Variants in ATP7B observed in about 807,000 individuals in gnomAD.
ATP7B encodes copper-transporting ATPase 2.
In ATP7B, 113 loss-of-function variants were observed where a neutral mutation model predicts 118.9. The observed-to-expected ratio is 0.95, with a 90% confidence interval of 0.82 to 1.11. The LOEUF is 1.11. Among genes scored for constraint, ATP7B ranks in the 50% most tolerant of loss-of-function variants. ATP7B has a pLI of 0.00. For synonymous variants in ATP7B, 777 were observed against 727.4 expected (o/e 1.07, Z -1.10); for missense variants, 1,867 against 1,871.4 (o/e 1.00, Z 0.04).
chr13:52,009,603 T>C (rs1013376613), intron 1 of ATP7B, among the ~76,000 whole-genome samples: 5 of 152,228 alleles, frequency 3.3e-5, no homozygotes, highest in African/African-American at 1.2e-4. Flanking sequence ...GGCACGTTAG[T>C]AAATGTGTAT....
intron 15 of ATP7B, 41 bp downstream of exon 15, chr13:51,942,345 C>T: frequency 6.2e-7 from 1 of 1,612,008 alleles, no homozygotes; most frequent in Non-Finnish European, 8.5e-7. Flanking sequence ...TTTGACCCAC[C>T]TCTACTTTTA....
intron 1 of ATP7B, among the ~76,000 whole-genome samples, chr13:51,983,746 T>TG (rs1952528742): frequency 6.6e-6 from 1 of 152,224 alleles, no homozygotes; most frequent in Non-Finnish European, 1.5e-5. Flanking sequence ...CTGTAGCCTC[T>TG]GCTGGTGATA....
chr13:51,952,476 C>T (rs7321445), intron 9 of ATP7B, among the ~76,000 whole-genome samples: 81,349 of 152,012 alleles, frequency 0.54, 21,994 homozygotes, highest in Middle Eastern at 0.62. Context: ...GAGAAATAGA[C>T]ATTTACTGAG....
At chr13:52,000,024 C>T (rs907984914) in intron 1 of ATP7B, among the ~76,000 whole-genome samples, 1 of 152,144 alleles carries the variant, frequency 6.6e-6, no homozygotes, top group East Asian at 1.9e-4. Context: ...TACTCAGAGT[C>T]TTTCACCAGA....
intron 14 of ATP7B, among the ~76,000 whole-genome samples, chr13:51,943,797 G>A (rs1957480843): frequency 6.6e-6 from 1 of 152,034 alleles, no homozygotes; most frequent in Admixed American, 6.5e-5. Flanking sequence ...TGAGTTTCCA[G>A]ACTGCCCGTA....
At position 51,950,363 on chromosome 13, in the gene ATP7B, G is replaced by A. The variant is rs570594838; in HGVS notation, c.2484C>T (p.Gly828=). Residue 828 remains glycine (G), a synonymous_variant, in exon 10 of 21, where the codon GGC becomes GGT. Transcript: ENST00000242839. The part of the protein sequence containing the change: ...EQVPMELVQR[G]DIVKVVPGGK... The stretch of plus-strand genomic sequence containing the variant: ...CCCCAGGGACCACCTTGACGATATC[G>A]CCCCGCTGCACCAGCTCCATGGGGA... 301 of 1,614,046 alleles carry A rather than the reference G, an allele frequency of 1.9e-4. 2 individuals carry two copies. The South Asian group carries it at 2.4e-3, about 13-fold the overall frequency.
At chr13:51,970,282 C>T (rs1227047204) in intron 3 of ATP7B, among the ~76,000 whole-genome samples, 1 of 152,184 alleles carries the variant, frequency 6.6e-6, no homozygotes, top group African/African-American at 2.4e-5. Flanking sequence ...GGCTAACTTA[C>T]TCAGAGATAT....
intron 14 of ATP7B, 111 bp from the exon 15 acceptor site, chr13:51,942,665 A>G (rs1462061139): frequency 2.9e-6 from 4 of 1,364,396 alleles, no homozygotes; most frequent in Non-Finnish European, 4.1e-6. Context: ...AGAGCAGCGG[A>G]AAGCGGGAAC....
At chr13:51,950,489 T>C in intron 9 of ATP7B, 90 bp from the exon 10 acceptor site, 1 of 1,569,268 alleles carries the variant, frequency 6.4e-7, no homozygotes, top group Non-Finnish European at 8.7e-7. Context: ...TTACACTGTA[T>C]TTGCTTATAC....
chr13:52,012,000 G>A (rs1381095100), upstream of ATP7B: 4 of 336,848 alleles, frequency 1.2e-5, no homozygotes, highest in South Asian at 2.7e-5. Context: ...AAGCAACCGC[G>A]GCAAGAGTGA....
chr13:51,981,542 T>C (rs1385458853), intron 1 of ATP7B, among the ~76,000 whole-genome samples: 1 of 152,132 alleles, frequency 6.6e-6, no homozygotes, highest in Non-Finnish European at 1.5e-5. Flanking sequence ...ATCTAAGAAT[T>C]CTCTGGATGC....
intron 1 of ATP7B, among the ~76,000 whole-genome samples, chr13:51,985,271 G>C (rs1422980412): frequency 6.6e-6 from 1 of 152,142 alleles, no homozygotes; most frequent in Non-Finnish European, 1.5e-5. Flanking sequence ...TGGAATCCTA[G>C]TCTCTGATAA....
chr13:52,011,460 G>GCGGCA (rs766338038), upstream of ATP7B: 2 of 1,283,730 alleles, frequency 1.6e-6, no homozygotes, highest in South Asian at 2.5e-5. Flanking sequence ...GGGCATCGGC[G>GCGGCA]CGGCTCGGCT....
chr13:51,983,481 GCAGCTTCAGCAGTCT>G (rs1952516848), intron 1 of ATP7B, among the ~76,000 whole-genome samples: 2 of 152,272 alleles, frequency 1.3e-5, no homozygotes, highest in South Asian at 2.1e-4. Flanking sequence ...GGCTGTGGGT[GCAGCTTCAGCAGTCT>G]CAAAGGTCCC....
chr13:51,995,413 G>A (rs939739749), intron 1 of ATP7B: 19 of 880,394 alleles, frequency 2.2e-5, no homozygotes, highest in Non-Finnish European at 2.0e-5. Flanking sequence ...ACACTGGCCT[G>A]GCTGAATGCC....
At chr13:51,943,502 G>A (rs2138906058) in intron 14 of ATP7B, among the ~76,000 whole-genome samples, 1 of 152,332 alleles carries the variant, frequency 6.6e-6, no homozygotes. Context: ...TAACAGTATT[G>A]CTCAGGCTGT....
intron 1 of ATP7B, among the ~76,000 whole-genome samples, chr13:51,977,490 T>A (rs1010110331): frequency 6.6e-6 from 1 of 152,194 alleles, no homozygotes; most frequent in Non-Finnish European, 1.5e-5. Flanking sequence ...GGTCTTCAGG[T>A]GCGATAACAG....
Position 51,937,593 on chromosome 13 carries a change from G to A in ATP7B, c.3786C>T (p.Val1262=), listed in dbSNP as rs375007352. The part of the protein sequence containing the change: ...VQELQNKGKK[V]AMVGDGVNDS... ...CATTGACCCCATCCCCCACCATGGC[G>A]ACTTTCTTCCCTTTATTCTGGAGCT... The change falls in exon 18 of 21, where the codon GTC becomes GTT. Residue 1262 remains valine, a synonymous_variant. Coordinates refer to ENST00000242839, the MANE Select transcript of ATP7B (RefSeq NM_000053.4). 2.2e-5 allele frequency: 35 copies of A among 1,614,120 alleles called. No individual in the cohort carries two copies. The East Asian group carries it at 2.2e-4, about 10-fold the overall frequency.
chr13:51,962,714 C>G (rs1958829532), intron 5 of ATP7B, among the ~76,000 whole-genome samples: 1 of 152,112 alleles, frequency 6.6e-6, no homozygotes, highest in African/African-American at 2.4e-5. Flanking sequence ...CAGACATTAG[C>G]AATAGTCCCC....
Sources: gnomAD v4.1 joint callset for allele counts (sites outside exome capture counted in the v4.1 genomes callset) on GRCh38, gnomAD v4.1.1 for gene constraint, MANE v1.5 for transcripts, NCBI Gene and HGNC (gene_info 2026-07-23, HGNC 2026-07-21) for gene names.